ARL15: variants seen among roughly 807,000 people sequenced by gnomAD.
The protein encoded by ARL15 is ADP-ribosylation factor-like protein 15.
ARL15 carries 19 observed loss-of-function variants against 25.2 expected under a neutral mutation model. That is an observed-to-expected ratio of 0.75 (90% CI 0.53 to 1.10). The LOEUF (loss-of-function observed/expected upper bound fraction) is 1.10. Among genes scored for constraint, ARL15 ranks in the 50% least tolerant of loss-of-function variants. ARL15 has a pLI of 0.00. For synonymous variants in ARL15, 94 were observed against 86.8 expected, an observed-to-expected ratio of 1.08 and a Z score of -0.46; for missense variants, 220 against 246.0, an observed-to-expected ratio of 0.89 and a Z score of 0.71.
intron 4 of ARL15, among the ~76,000 whole-genome samples, chr5:54,094,078 A>C (rs1752210513): frequency 6.6e-6 from 1 of 152,174 alleles, no homozygotes; most frequent in East Asian, 1.9e-4. Context: ...AGTGGTTCTC[A>C]AGACTTGAGG....
intron 4 of ARL15, among the ~76,000 whole-genome samples, chr5:53,924,174 G>A (rs1266646736): frequency 1.3e-5 from 2 of 152,198 alleles, no homozygotes; most frequent in Non-Finnish European, 2.9e-5. Flanking sequence ...TAACAGCTGG[G>A]AGGAGCAGAC....
chr5:54,185,016 C>G (rs1755197085), intron 1 of ARL15, among the ~76,000 whole-genome samples: 1 of 152,172 alleles, frequency 6.6e-6, no homozygotes, highest in African/African-American at 2.4e-5. Flanking sequence ...TCTGGGCAGA[C>G]AAGGAGCTTT....
At chr5:54,087,463 T>C (rs1227723584) in intron 4 of ARL15, among the ~76,000 whole-genome samples, 1 of 152,182 alleles carries the variant, frequency 6.6e-6, no homozygotes. Context: ...ATCTCCTTAA[T>C]AACAAAAATC....
At chr5:53,925,808 TA>T (rs915057541) in intron 4 of ARL15, among the ~76,000 whole-genome samples, 12 of 151,536 alleles carry the variant, frequency 7.9e-5, no homozygotes, top group Admixed American at 2.6e-4. Flanking sequence ...ACCTTGTCTT[TA>T]AAAAAAACCA....
chr5:54,179,069 G>C (rs1258302741), intron 1 of ARL15, among the ~76,000 whole-genome samples: 1 of 152,154 alleles, frequency 6.6e-6, no homozygotes, highest in Non-Finnish European at 1.5e-5. Context: ...AAGAAGTTAA[G>C]TAACTTGCCT....
chr5:53,920,446 C>T (rs1285015578), intron 4 of ARL15, among the ~76,000 whole-genome samples: 1 of 152,014 alleles, frequency 6.6e-6, no homozygotes, highest in Non-Finnish European at 1.5e-5. Flanking sequence ...TGCACAGTCA[C>T]TGAGCAACTG....
chr5:54,143,891 A>G (rs1484145418), intron 3 of ARL15, among the ~76,000 whole-genome samples: 2 of 152,002 alleles, frequency 1.3e-5, no homozygotes, highest in Non-Finnish European at 2.9e-5. Context: ...TCCTATTTTT[A>G]TTATCATGTT....
At chr5:54,150,927 T>C (rs1754048674) in intron 3 of ARL15, among the ~76,000 whole-genome samples, 1 of 138,308 alleles carries the variant, frequency 7.2e-6, no homozygotes, top group Admixed American at 7.1e-5. Flanking sequence ...CAGCAGCAAA[T>C]AACAGGTGGG....
chr5:54,011,614 G>A (rs1245943959), intron 4 of ARL15, among the ~76,000 whole-genome samples: 2 of 152,046 alleles, frequency 1.3e-5, no homozygotes, highest in African/African-American at 2.4e-5. Context: ...CTAAGACACC[G>A]AAGTTAAAAG....
At chr5:54,099,779 C>T (rs1752382931) in intron 4 of ARL15, among the ~76,000 whole-genome samples, 2 of 152,070 alleles carry the variant, frequency 1.3e-5, no homozygotes, top group Non-Finnish European at 2.9e-5. Context: ...CTATGCCCTC[C>T]TTTAATCCTC....
At chr5:54,232,820 C>T (rs1029816857) in intron 1 of ARL15, among the ~76,000 whole-genome samples, 3 of 152,320 alleles carry the variant, frequency 2.0e-5, no homozygotes, top group Non-Finnish European at 4.4e-5. Flanking sequence ...CTCATGTTCA[C>T]CCCTGCCCTC....
At chr5:54,269,277 T>C (rs923608016) in intron 1 of ARL15, among the ~76,000 whole-genome samples, 2 of 151,994 alleles carry the variant, frequency 1.3e-5, no homozygotes, top group Admixed American at 6.5e-5. Flanking sequence ...CAGTCATATA[T>C]CCTCTTTTAA....
At chr5:54,006,180 G>T (rs926189613) in intron 4 of ARL15, among the ~76,000 whole-genome samples, 1 of 151,500 alleles carries the variant, frequency 6.6e-6, no homozygotes, top group Non-Finnish European at 1.5e-5. Flanking sequence ...CATGGTCTTA[G>T]TGTAAACACT....
At chr5:54,181,900 T>A (rs558962262) in intron 1 of ARL15, among the ~76,000 whole-genome samples, 16 of 146,092 alleles carry the variant, frequency 1.1e-4, no homozygotes, top group African/African-American at 3.1e-4. Context: ...TGATGGCCAG[T>A]GATGATGAGC....
rs1260228332 is a variant in ARL15, at chr5:54,184,614, A to T, written c.49-12686T>A. ...GGAACTGAAGCTAGAAAGGCTTATAACAAAAAAAAAAAAAAAAAAAGGAAA... is the reference window on the plus strand; with the variant it reads ...GGAACTGAAGCTAGAAAGGCTTATATCAAAAAAAAAAAAAAAAAAAGGAAA... On this transcript the variant is annotated intron_variant, in intron 1 of 4. Transcript: ENST00000504924. 3.9e-5 allele frequency among the ~76,000 whole-genome samples: 3 copies of T among 77,416 alleles called. No homozygotes were observed. The East Asian group carries it at 7.3e-3, about 189-fold the overall frequency. 50.8% of individuals were successfully genotyped at this position (77,416 alleles called of 152,430 possible).
chr5:54,089,656 A>G (rs57766911), intron 4 of ARL15, among the ~76,000 whole-genome samples: 10,765 of 152,220 alleles, frequency 0.071, 460 homozygotes, highest in Middle Eastern at 0.1. Context: ...AGTCAGGAAC[A>G]CTTTCTGTCA....
chr5:54,050,126 A>G (rs113623745), intron 4 of ARL15, among the ~76,000 whole-genome samples: 7,841 of 152,242 alleles, frequency 0.052, 679 homozygotes, highest in African/African-American at 0.18. Context: ...TCAAGCACCA[A>G]AATAGCAGCA....
At chr5:54,226,990 G>A (rs1005855650) in intron 1 of ARL15, among the ~76,000 whole-genome samples, 3 of 152,068 alleles carry the variant, frequency 2.0e-5, no homozygotes, top group African/African-American at 2.4e-5. Context: ...ATTCTCTCTT[G>A]CCTGCCGCTA....
At chr5:54,145,743 C>T (rs923531195) in intron 3 of ARL15, among the ~76,000 whole-genome samples, 2 of 152,110 alleles carry the variant, frequency 1.3e-5, no homozygotes, top group South Asian at 4.1e-4. Flanking sequence ...ATAACAATAA[C>T]AAAACAACCT....
Sources: gnomAD v4.1 joint callset for allele counts (sites outside exome capture counted in the v4.1 genomes callset) on GRCh38, gnomAD v4.1.1 for gene constraint, MANE v1.5 for transcripts, NCBI Gene and HGNC (gene_info 2026-07-23, HGNC 2026-07-21) for gene names.